DCHS2: variants seen among roughly 807,000 people sequenced by gnomAD.
DCHS2 encodes the protein protocadherin-23.
A neutral mutation model predicts 182.4 loss-of-function variants in DCHS2; 142 were observed. That is an observed-to-expected ratio of 0.78 (90% CI 0.68 to 0.89). DCHS2 has a LOEUF of 0.89. Among genes scored for constraint, DCHS2 ranks in the 40% least tolerant of loss-of-function variants. The pLI, the probability that DCHS2 is intolerant of heterozygous loss-of-function variation, is 0.00. For missense variants in DCHS2, 4,319 were observed against 4,198.6 expected (o/e 1.03, Z -0.79); for synonymous variants, 1,740 against 1,663.3 (o/e 1.05, Z -1.12).
At chr4:154,380,736 T>A (rs1006836998) in intron 1 of DCHS2, among the ~76,000 whole-genome samples, 9 of 152,130 alleles carry the variant, frequency 5.9e-5, no homozygotes, top group African/African-American at 2.2e-4. Flanking sequence ...AATCGTAACA[T>A]AAGAATGTTT....
chr4:154,395,497 A>G lies in DCHS2; in HGVS notation c.2053-18053T>C, dbSNP rs578083172. On this transcript the variant is annotated intron_variant, in intron 1 of 19. Transcript: ENST00000357232. ...CTCCTATCTCCTGGATTGCTCCGCC[A>G]TCACACTTGTGATCTGCCTCCTGCC... 2.6e-5 allele frequency among the ~76,000 whole-genome samples: 4 copies of G among 152,296 alleles called. No individual in the cohort carries two copies. The South Asian group carries it at 6.2e-4, about 24-fold the overall frequency.
At chr4:154,430,519 G>A (rs912890537) in intron 1 of DCHS2, among the ~76,000 whole-genome samples, 1 of 152,078 alleles carries the variant, frequency 6.6e-6, no homozygotes, top group Non-Finnish European at 1.5e-5. Flanking sequence ...GGGGAACGTG[G>A]GAAATAATTC....
chr4:154,346,050 C>G (rs985367308), intron 3 of DCHS2, among the ~76,000 whole-genome samples: 1 of 152,188 alleles, frequency 6.6e-6, no homozygotes, highest in East Asian at 1.9e-4. Context: ...GAAGCAAGCT[C>G]TAGTCCCTCT....
chr4:154,364,647 G>A (rs6536002), intron 3 of DCHS2, among the ~76,000 whole-genome samples: 131,028 of 152,210 alleles, frequency 0.86, 56,470 homozygotes, highest in South Asian at 0.93. Context: ...AGCCAGACAA[G>A]GCACAGTTTC....
chr4:154,343,569 C>T, intron 3 of DCHS2: 1 of 1,528,614 alleles, frequency 6.5e-7, no homozygotes, highest in East Asian at 2.5e-5. Context: ...GAGATGGCGT[C>T]TTCCCTTAAA....
At chr4:154,350,736 C>A (rs1055944035) in intron 3 of DCHS2, among the ~76,000 whole-genome samples, 3 of 152,132 alleles carry the variant, frequency 2.0e-5, no homozygotes, top group African/African-American at 7.2e-5. Flanking sequence ...TCAATCTCAT[C>A]ACAAAAGGTA....
intron 16 of DCHS2, among the ~76,000 whole-genome samples, chr4:154,251,282 A>G (rs927003145): frequency 6.6e-6 from 1 of 152,216 alleles, no homozygotes; most frequent in African/African-American, 2.4e-5. Context: ...AGATTCATTC[A>G]CATCATAAAA....
chr4:154,423,385 C>G (rs1213261315), intron 1 of DCHS2, among the ~76,000 whole-genome samples: 1 of 152,208 alleles, frequency 6.6e-6, no homozygotes, highest in Admixed American at 6.5e-5. Flanking sequence ...GTCAGCACTT[C>G]ATTCCTTTTT....
intron 14 of DCHS2, among the ~76,000 whole-genome samples, chr4:154,267,003 A>C (rs1006996587): frequency 9.2e-5 from 14 of 152,156 alleles, no homozygotes; most frequent in Non-Finnish European, 2.9e-5. Context: ...TGCTGTGTGA[A>C]TTATTTTCCT....
At chr4:154,300,870 C>T (rs958613054) in intron 12 of DCHS2, among the ~76,000 whole-genome samples, 6 of 152,044 alleles carry the variant, frequency 3.9e-5, no homozygotes, top group Non-Finnish European at 8.8e-5. Context: ...ATTCATGATC[C>T]GGCTTAGGCG....
chr4:154,402,182 T>C (rs1004753196), intron 1 of DCHS2, among the ~76,000 whole-genome samples: 1 of 152,208 alleles, frequency 6.6e-6, no homozygotes. Flanking sequence ...CTGGTACCCT[T>C]GTCAAAACTC....
intron 2 of DCHS2, 41 bp downstream of exon 2, chr4:154,377,212 T>G (rs763228118): frequency 6.3e-7 from 1 of 1,583,422 alleles, no homozygotes; most frequent in Non-Finnish European, 8.6e-7. Context: ...GTGGCTCACT[T>G]GTGATTATGT....
At chr4:154,429,875 T>C (rs896131679) in intron 1 of DCHS2, among the ~76,000 whole-genome samples, 7 of 152,166 alleles carry the variant, frequency 4.6e-5, no homozygotes, top group African/African-American at 1.7e-4. Context: ...AGCTGTGTAA[T>C]CGTATGCAAG....
In DCHS2 at chr4:154,489,726, A is replaced by G; in HGVS notation, c.1630T>C (p.Tyr544His). The G allele has an allele frequency of 6.4e-7, 1 of 1,551,568 alleles. No individual in the cohort carries two copies. The highest frequency in any genetic ancestry group is 8.7e-7 in the Non-Finnish European group (1 of 1,146,944). Residue 544 changes from tyrosine (Y) to histidine (H), a missense_variant, in exon 1 of 20, where the codon TAC (tyrosine) becomes CAC (histidine). Transcript: ENST00000357232. ...GCGGCCTCGGACACTGAGGCCTTGT[A>G]ATGCTGTTGGCTGAAGAGAGGTGGT... is the stretch of plus-strand genomic sequence containing the variant. Reference protein sequence around the residue: ...DQPPLFSQQHYKASVSEAAAP... With the variant: ...DQPPLFSQQHHKASVSEAAAP...
In DCHS2 at chr4:154,298,398, C is replaced by G. The variant is rs1735050467; in HGVS notation, c.5916G>C (p.Leu1972=). The change falls in exon 13 of 20, where the codon CTG becomes CTC. Residue 1972 remains leucine, a synonymous_variant. Coordinates refer to ENST00000357232, the MANE Select transcript of DCHS2 (RefSeq NM_001358235.2). ...EGLNGQTEYF[L]TDEASGAFTI... ...TGAATGCACCAGAAGCCTCATCAGT[C>G]AGAAAATACTCAGTTTGCCCATTCA... 2 of 1,614,144 alleles carry G rather than the reference C, an allele frequency of 1.2e-6. No homozygotes were observed. Among genetic ancestry groups the G allele is most frequent in the Non-Finnish European group, 1.7e-6 (2 of 1,180,006 alleles).
chr4:154,382,950 A>G (rs534564967), intron 1 of DCHS2, among the ~76,000 whole-genome samples: 1 of 152,234 alleles, frequency 6.6e-6, no homozygotes, highest in African/African-American at 2.4e-5. Flanking sequence ...GAGATTTATT[A>G]AAGAACTACC....
chr4:154,254,122 G>T (rs888659280), intron 16 of DCHS2, among the ~76,000 whole-genome samples: 10 of 152,150 alleles, frequency 6.6e-5, no homozygotes, highest in African/African-American at 9.7e-5. Context: ...CTCAGGAGGT[G>T]CTTGCGAGGA....
At chr4:154,389,813 G>A (rs1346616759) in intron 1 of DCHS2, among the ~76,000 whole-genome samples, 1 of 151,464 alleles carries the variant, frequency 6.6e-6, no homozygotes, top group Non-Finnish European at 1.5e-5. Context: ...CTATGCTAAA[G>A]TTGAAGGAAG....
At chr4:154,262,194 T>C (rs1364949454) in intron 14 of DCHS2, 3 of 152,238 alleles carry the variant, frequency 2.0e-5, no homozygotes, top group Non-Finnish European at 2.9e-5. Context: ...GCTTTGATAA[T>C]TGGAATTTTG....
Sources: allele counts gnomAD v4.1 joint callset (sites outside exome capture counted in the v4.1 genomes callset), GRCh38; gene constraint gnomAD v4.1.1; transcripts MANE v1.5; gene names NCBI Gene and HGNC (gene_info 2026-07-23, HGNC 2026-07-21).